Variants in HCRTR2 observed in about 807,000 individuals in gnomAD.
HCRTR2 encodes the protein hypocretin receptor 2, also known as orexin receptor type 2.
Under a neutral mutation model 49.0 loss-of-function variants are expected in HCRTR2, and 22 were observed. The ratio of observed to expected loss-of-function variants is 0.45; its 90% CI spans 0.32 to 0.64. The LOEUF is 0.64. HCRTR2 is among the 30% of genes least tolerant of loss of function. The pLI is 0.04. For synonymous variants in HCRTR2, 236 were observed against 205.3 expected (o/e 1.15, Z -1.28); for missense variants, 491 against 559.4 (o/e 0.88, Z 1.23).
chr6:55,143,361 A>G (rs1376275295), intron 1 of HCRTR2, among the ~76,000 whole-genome samples: 1 of 152,142 alleles, frequency 6.6e-6, no homozygotes, highest in East Asian at 1.9e-4. Flanking sequence ...AATTATGTCA[A>G]TACAATGTAT....
chr6:55,171,147 G>A (rs913869677), upstream of HCRTR2, among the ~76,000 whole-genome samples: 1 of 152,012 alleles, frequency 6.6e-6, no homozygotes, highest in African/African-American at 2.4e-5. Flanking sequence ...GATCCTTGAG[G>A]AATTGCCACA....
chr6:55,117,270 G>A (rs1764131133), intron 1 of HCRTR2, among the ~76,000 whole-genome samples: 1 of 151,784 alleles, frequency 6.6e-6, no homozygotes, highest in Admixed American at 6.6e-5. Context: ...TCATTGCTCT[G>A]ATAAATTAAG....
chr6:55,124,100 G>A (rs1182031913), intron 1 of HCRTR2, among the ~76,000 whole-genome samples: 5 of 151,986 alleles, frequency 3.3e-5, no homozygotes, highest in Admixed American at 6.6e-5. Context: ...AGGGTTTTTT[G>A]TGTCTCTGTC....
chr6:55,215,919 T>C (rs1765778668), intron 1 of HCRTR2, among the ~76,000 whole-genome samples: 2 of 152,154 alleles, frequency 1.3e-5, no homozygotes, highest in South Asian at 4.2e-4. Context: ...ATAAATTTAT[T>C]TCCTGCAGTT....
chr6:55,214,966 G>A (rs1407346505), intron 1 of HCRTR2, among the ~76,000 whole-genome samples: 3 of 151,982 alleles, frequency 2.0e-5, no homozygotes, highest in African/African-American at 7.2e-5. Flanking sequence ...ACCAATATGT[G>A]TTATCAGAGT....
At chr6:55,111,252 C>T (rs1460021237) in intron 1 of HCRTR2, among the ~76,000 whole-genome samples, 2 of 151,892 alleles carry the variant, frequency 1.3e-5, no homozygotes, top group Non-Finnish European at 2.9e-5. Context: ...AAGGTTACAC[C>T]TCAAGGAACT....
chr6:55,109,120 C>T (rs966455295), intron 1 of HCRTR2, among the ~76,000 whole-genome samples: 2 of 152,176 alleles, frequency 1.3e-5, no homozygotes, highest in African/African-American at 4.8e-5. Flanking sequence ...GGTAGCTCCA[C>T]TGGGTGGCTA....
chr6:55,192,011 CT>C (rs762523974), intron 1 of HCRTR2, among the ~76,000 whole-genome samples: 8 of 152,006 alleles, frequency 5.3e-5, no homozygotes, highest in Non-Finnish European at 1.2e-4. Context: ...GACATTTTTA[CT>C]TTAAATTGCA....
chr6:55,196,407 C>T (rs934540471), intron 1 of HCRTR2, among the ~76,000 whole-genome samples: 1 of 152,148 alleles, frequency 6.6e-6, no homozygotes, highest in Non-Finnish European at 1.5e-5. Flanking sequence ...ATGAACTTTT[C>T]CCCACCTAAC....
intron 4 of HCRTR2, among the ~76,000 whole-genome samples, chr6:55,275,358 G>T (rs921505771): frequency 6.6e-6 from 1 of 152,106 alleles, no homozygotes; most frequent in Non-Finnish European, 1.5e-5. Context: ...TTTTAGGGAT[G>T]CATTAAGGAT....
chr6:55,114,047 C>T (rs1764084739), intron 1 of HCRTR2, among the ~76,000 whole-genome samples: 1 of 151,894 alleles, frequency 6.6e-6, no homozygotes. Flanking sequence ...GAATGGAAAA[C>T]CAAACATCAT....
intron 1 of HCRTR2, among the ~76,000 whole-genome samples, chr6:55,130,281 G>A (rs1315011004): frequency 6.6e-6 from 1 of 151,824 alleles, no homozygotes; most frequent in Non-Finnish European, 1.5e-5. Flanking sequence ...ATATATAATT[G>A]CTTCCACTGC....
chr6:55,128,016 G>A (rs1375727009), intron 1 of HCRTR2, among the ~76,000 whole-genome samples: 2 of 152,124 alleles, frequency 1.3e-5, no homozygotes, highest in South Asian at 2.1e-4. Flanking sequence ...GCCCTGAATG[G>A]TATTGCCCAG....
intron 3 of HCRTR2, among the ~76,000 whole-genome samples, chr6:55,257,059 A>T (rs1766666279): frequency 6.6e-6 from 1 of 152,122 alleles, no homozygotes; most frequent in African/African-American, 2.4e-5. Context: ...AAGAGGGAAA[A>T]GGATGTCCAG....
chr6:55,258,746 A>G (rs1254922392), intron 3 of HCRTR2, among the ~76,000 whole-genome samples: 1 of 152,166 alleles, frequency 6.6e-6, no homozygotes, highest in East Asian at 1.9e-4. Flanking sequence ...GTTCTACAGG[A>G]AAGATCCTAC....
At chr6:55,274,239 GTATATA>G (rs61667408) in intron 4 of HCRTR2, among the ~76,000 whole-genome samples, 3 of 119,510 alleles carry the variant, frequency 2.5e-5, no homozygotes, top group African/African-American at 9.1e-5. Context: ...ATCATTTTCA[GTATATA>G]TATATATATA....
rs1489229692 is a variant in HCRTR2 at position 55,265,577 on chromosome 6, T to C, written c.762+1755T>C. Among the ~76,000 whole-genome samples the C allele has an allele frequency of 1.4e-4, 22 of 152,254 alleles. 1 individual carries two copies. Among genetic ancestry groups the C allele is most frequent in the Admixed American group, 1.4e-3 (22 of 15,268 alleles). On this transcript the variant is annotated intron_variant, in intron 4 of 6. Coordinates refer to ENST00000370862, the MANE Select transcript of HCRTR2 (RefSeq NM_001384272.1). ...GGCATGTGTTACATCTCACTTTTCA[T>C]TGGCTAAAACAAGTCACGTGGTTAA... is the stretch of plus-strand genomic sequence containing the variant.
At chr6:55,217,524 C>T (rs950286041) in intron 1 of HCRTR2, among the ~76,000 whole-genome samples, 1 of 152,062 alleles carries the variant, frequency 6.6e-6, no homozygotes, top group East Asian at 1.9e-4. Context: ...CAAGTCTGGC[C>T]TTCTACACAG....
intron 1 of HCRTR2, among the ~76,000 whole-genome samples, chr6:55,224,495 C>T (rs771633467): frequency 4.6e-5 from 7 of 151,708 alleles, no homozygotes; most frequent in Admixed American, 6.6e-5. Context: ...TGGTGGTGGG[C>T]GCCTGTAGTC....
Sources: gnomAD v4.1 joint callset for allele counts (sites outside exome capture counted in the v4.1 genomes callset) on GRCh38, gnomAD v4.1.1 for gene constraint, MANE v1.5 for transcripts, NCBI Gene and HGNC (gene_info 2026-07-23, HGNC 2026-07-21) for gene names.